GPHN: variants seen among roughly 807,000 people sequenced by gnomAD.
The protein encoded by GPHN is gephyrin.
A neutral mutation model predicts 95.5 loss-of-function variants in GPHN; 17 were observed. The ratio of observed to expected loss-of-function variants is 0.18; its 90% CI spans 0.12 to 0.27. The LOEUF is 0.27. GPHN is among the 10% of genes least tolerant of loss of function. GPHN has a pLI of 1.00. For synonymous variants in GPHN, 320 were observed against 322.5 expected (o/e 0.99, Z 0.08); for missense variants, 660 against 978.1 (o/e 0.67, Z 4.34).
chr14:66,692,194 T>C (rs1386816012), intron 2 of GPHN, among the ~76,000 whole-genome samples: 1 of 152,212 alleles, frequency 6.6e-6, no homozygotes, highest in African/African-American at 2.4e-5. Context: ...AACCTTCTTA[T>C]AGTCCTGGGT....
At chr14:66,994,536 G>A (rs371242581) in intron 9 of GPHN, among the ~76,000 whole-genome samples, 1 of 152,234 alleles carries the variant, frequency 6.6e-6, no homozygotes, top group African/African-American at 2.4e-5. Context: ...CCTCGGAACT[G>A]ACTTTAATTC....
At chr14:66,949,993 G>GAAAA (rs71129809) in intron 8 of GPHN, among the ~76,000 whole-genome samples, 32 of 57,792 alleles carry the variant, frequency 5.5e-4, no homozygotes, top group African/African-American at 1.0e-3. Flanking sequence ...TTTAGGACAG[G>GAAAA]AAAAAAAAAA....
chr14:66,892,289 GAC>G (rs1236814506), intron 5 of GPHN, among the ~76,000 whole-genome samples: 2 of 152,096 alleles, frequency 1.3e-5, no homozygotes, highest in Non-Finnish European at 2.9e-5. Flanking sequence ...CAGTCCTGGT[GAC>G]ACACACCTAT....
At chr14:67,501,044 T>TTAATAATAA in the GPHN span, among the ~76,000 whole-genome samples, 1,138 of 137,354 alleles carry the variant, frequency 8.3e-3, 9 homozygotes, top group Middle Eastern at 0.015. Flanking sequence ...TACTTGGGGG[T>TTAATAATAA]TAATAATAAT....
At chr14:67,234,954 G>A in the GPHN span, among the ~76,000 whole-genome samples, 1 of 145,598 alleles carries the variant, frequency 6.9e-6, no homozygotes, top group Non-Finnish European at 1.5e-5. Context: ...TCAGGAGCTG[G>A]AGACCAGCCT....
the GPHN span, chr14:67,383,640 T>C: frequency 9.5e-6 from 6 of 630,992 alleles, no homozygotes; most frequent in African/African-American, 1.9e-5. Context: ...TCCAACACTT[T>C]GAGCATTTTT....
chr14:66,793,565 C>T (rs2060049289), intron 3 of GPHN, among the ~76,000 whole-genome samples: 1 of 151,896 alleles, frequency 6.6e-6, no homozygotes. Context: ...GTGCATATGT[C>T]TGTATACATA....
chr14:67,518,664 C>A, the GPHN span, among the ~76,000 whole-genome samples: 1 of 152,186 alleles, frequency 6.6e-6, no homozygotes, highest in Non-Finnish European at 1.5e-5. Context: ...GCCCTTCCCC[C>A]AAAGGAAACC....
At chr14:66,634,904 A>G (rs111523643) in intron 1 of GPHN, among the ~76,000 whole-genome samples, 4 of 152,238 alleles carry the variant, frequency 2.6e-5, no homozygotes, top group African/African-American at 4.8e-5. Context: ...ATATTGCTGT[A>G]TAACAATGGT....
At chr14:66,648,849 T>G (rs1332257534) in intron 1 of GPHN, among the ~76,000 whole-genome samples, 2 of 152,174 alleles carry the variant, frequency 1.3e-5, no homozygotes, top group Non-Finnish European at 2.9e-5. Flanking sequence ...ACTCATCACA[T>G]AAAAATGCTT....
At chr14:67,558,298 C>T in the GPHN span, among the ~76,000 whole-genome samples, 13 of 152,330 alleles carry the variant, frequency 8.5e-5, no homozygotes, top group South Asian at 2.1e-4. Flanking sequence ...CACATGCCTT[C>T]TCCATGTAGG....
chr14:66,965,025 A>C (rs1055846643), intron 8 of GPHN, among the ~76,000 whole-genome samples, 166 bp from the exon 9 acceptor site: 15 of 152,172 alleles, frequency 9.9e-5, no homozygotes, highest in African/African-American at 2.9e-4. Flanking sequence ...TTAAATCTGA[A>C]AGTTTCTATT....
At chr14:66,582,864 T>C (rs2061250078) in intron 1 of GPHN, among the ~76,000 whole-genome samples, 1 of 152,190 alleles carries the variant, frequency 6.6e-6, no homozygotes, top group Non-Finnish European at 1.5e-5. Flanking sequence ...TGTGTCTTTA[T>C]AGCAGCATGA....
chr14:67,021,164 C>A (rs1159183024), intron 9 of GPHN, among the ~76,000 whole-genome samples: 1 of 151,932 alleles, frequency 6.6e-6, no homozygotes, highest in Non-Finnish European at 1.5e-5. Context: ...AAATAATAAA[C>A]AACATTTTTA....
intron 1 of GPHN, among the ~76,000 whole-genome samples, chr14:66,637,550 G>A (rs1399236302): frequency 6.6e-6 from 1 of 152,034 alleles, no homozygotes; most frequent in Non-Finnish European, 1.5e-5. Context: ...TATTCTTTGA[G>A]TTTCAGGAAG....
At chr14:66,847,537 G>A (rs2062387160) in intron 4 of GPHN, among the ~76,000 whole-genome samples, 1 of 152,008 alleles carries the variant, frequency 6.6e-6, no homozygotes, top group South Asian at 2.1e-4. Flanking sequence ...AAGGCAAAAG[G>A]TCTATCTCAT....
At chr14:66,545,734 G>T (rs1191535991) in intron 1 of GPHN, among the ~76,000 whole-genome samples, 1 of 138,744 alleles carries the variant, frequency 7.2e-6, no homozygotes, top group Non-Finnish European at 1.6e-5. Flanking sequence ...CCGGGCGGGG[G>T]GCTGACCCCC....
At chr14:67,588,045 A>C in the GPHN span, 1 of 152,570 alleles carries the variant, frequency 6.6e-6, no homozygotes, top group Non-Finnish European at 1.5e-5. Context: ...ATTTTTCCCC[A>C]TTATTGGTAT....
At chr14:66,980,386 T>G (rs1008063387) in intron 9 of GPHN, among the ~76,000 whole-genome samples, 2 of 151,978 alleles carry the variant, frequency 1.3e-5, no homozygotes, top group Admixed American at 1.3e-4. Context: ...AAAGATAAAC[T>G]TTTTTTTGGT....
Sources: allele counts gnomAD v4.1 joint callset (sites outside exome capture counted in the v4.1 genomes callset), GRCh38; gene constraint gnomAD v4.1.1; transcripts MANE v1.5; gene names NCBI Gene and HGNC (gene_info 2026-07-23, HGNC 2026-07-21).